The following COLEC12 variants were observed in gnomAD, a reference collection of about 807,000 sequenced individuals.
COLEC12 encodes the protein collectin subfamily member 12, also known as collectin-12.
Under a neutral mutation model 71.1 loss-of-function variants are expected in COLEC12, and 33 were observed. That is an observed-to-expected ratio of 0.46 (90% CI 0.35 to 0.62). COLEC12 has a LOEUF of 0.62. COLEC12 is among the 20% of genes least tolerant of loss of function. The pLI, the probability that COLEC12 is intolerant of heterozygous loss-of-function variation, is 0.00. For synonymous variants in COLEC12, 350 were observed against 353.0 expected (o/e 0.99, Z 0.10); for missense variants, 765 against 916.1 (o/e 0.84, Z 2.13).
At chr18:369,397 ATTTTTTTTTATT>A (rs1257644072) in intron 2 of COLEC12, among the ~76,000 whole-genome samples, 13 of 99,248 alleles carry the variant, frequency 1.3e-4, no homozygotes, top group Admixed American at 6.0e-4. Context: ...TTTTTTTTTT[ATTTTTTTTTATT>A]TTTATTTTTA....
chr18:415,532 G>A (rs1057445571), intron 2 of COLEC12, among the ~76,000 whole-genome samples: 1 of 142,250 alleles, frequency 7.0e-6, no homozygotes, highest in Non-Finnish European at 1.6e-5. Context: ...TGTTATTGTG[G>A]CTTACTGAAC....
chr18:396,841 T>C (rs996679458), intron 2 of COLEC12, among the ~76,000 whole-genome samples: 2 of 152,212 alleles, frequency 1.3e-5, no homozygotes, highest in African/African-American at 4.8e-5. Context: ...ACTTGGATGA[T>C]TAAATGCAAG....
In COLEC12 at chr18:443,584, C is replaced by A. The variant is rs112773511; in HGVS notation, c.58+37123G>T. 5.7e-3 allele frequency among the ~76,000 whole-genome samples: 867 copies of A among 152,318 alleles called. 1 individual carries two copies. Among genetic ancestry groups the A allele is most frequent in the Non-Finnish European group, 8.8e-3 (600 of 68,034 alleles). On this transcript the variant is annotated intron_variant, in intron 2 of 9. Transcript: ENST00000400256. Reference sequence around the variant, plus strand: ...ACTCTTGGCTTTAGATATGTGCCTGCATCCCCTCCGTCTCATGGTGTAGGG... The same window carrying A: ...ACTCTTGGCTTTAGATATGTGCCTGAATCCCCTCCGTCTCATGGTGTAGGG...
intron 8 of COLEC12, among the ~76,000 whole-genome samples, chr18:324,736 C>T (rs546622651): frequency 1.3e-5 from 2 of 151,690 alleles, no homozygotes; most frequent in Non-Finnish European, 2.9e-5. Context: ...GTCTGAGGCA[C>T]GAGAATCGCT....
intron 2 of COLEC12, among the ~76,000 whole-genome samples, chr18:369,391 T>TA (rs1295090673): frequency 7.0e-6 from 1 of 141,964 alleles, no homozygotes; most frequent in African/African-American, 2.6e-5. Flanking sequence ...AGATCTTTTT[T>TA]TTTTTATTTT....
chr18:351,139 G>A (rs78795885), intron 3 of COLEC12, among the ~76,000 whole-genome samples: 1 of 152,130 alleles, frequency 6.6e-6, no homozygotes, highest in Non-Finnish European at 1.5e-5. Context: ...GACCCAAAGT[G>A]AACTGGCTCC....
intron 5 of COLEC12, among the ~76,000 whole-genome samples, chr18:337,516 TC>T (rs1404645763): frequency 1.3e-5 from 2 of 152,202 alleles, no homozygotes; most frequent in Non-Finnish European, 2.9e-5. Context: ...AGGACCCTCT[TC>T]CAGTGGTAAA....
intron 2 of COLEC12, among the ~76,000 whole-genome samples, chr18:441,120 C>T (rs2621192): frequency 0.9 from 114,248 of 127,308 alleles, 51,853 homozygotes; most frequent in East Asian, 1. Context: ...TGGTGGCGGG[C>T]GCCTGTAGTC....
chr18:365,595 C>T (rs1360450966), intron 2 of COLEC12, among the ~76,000 whole-genome samples: 1 of 152,062 alleles, frequency 6.6e-6, no homozygotes, highest in Non-Finnish European at 1.5e-5. Flanking sequence ...CTTGCAGGAG[C>T]TGGGCAAGGT....
At chr18:364,338 T>C (rs1263466184) in intron 2 of COLEC12, among the ~76,000 whole-genome samples, 2 of 152,240 alleles carry the variant, frequency 1.3e-5, no homozygotes, top group Non-Finnish European at 2.9e-5. Flanking sequence ...CATTATTTTC[T>C]CTTTGTGGTT....
intron 2 of COLEC12, among the ~76,000 whole-genome samples, chr18:384,742 C>T (rs1465912699): frequency 2.6e-5 from 4 of 152,178 alleles, no homozygotes; most frequent in Admixed American, 1.3e-4. Context: ...TTCCAGGTGT[C>T]TTTGATTCTA....
At chr18:455,279 T>A (rs1219799015) in intron 2 of COLEC12, among the ~76,000 whole-genome samples, 1 of 92,998 alleles carries the variant, frequency 1.1e-5, no homozygotes, top group Non-Finnish European at 2.0e-5. Context: ...TATTTTACGC[T>A]TTTTTTTTTT....
In COLEC12 at chr18:346,473, G is replaced by A. The variant is rs756914155; in HGVS notation, c.1149C>T (p.Thr383=). ...TGTTGGCCAGGGTATTATTCAAGGA[G>A]GTCAGATCATCTGTGTGTTTGGTAA... ...DTLTKHTDDL[T]SLNNTLANIR... is the part of the protein sequence containing the mutation. Residue 383 remains threonine, a synonymous_variant, in exon 5 of 10, where the codon ACC becomes ACT. Coordinates refer to ENST00000400256, the MANE Select transcript of COLEC12 (RefSeq NM_130386.3). The surrounding 1 kb of genome is among the most constrained non-coding windows in gnomAD (Gnocchi z 4.0). 6.2e-7 allele frequency: 1 copy of A among 1,614,184 alleles called. No individual in the cohort carries two copies.
At chr18:329,179 C>G (rs1434778129) in intron 8 of COLEC12, among the ~76,000 whole-genome samples, 2 of 152,106 alleles carry the variant, frequency 1.3e-5, no homozygotes, top group Non-Finnish European at 2.9e-5. Flanking sequence ...TGCTGGACCC[C>G]AGGGAAGAGG....
intron 2 of COLEC12, among the ~76,000 whole-genome samples, chr18:370,067 T>C (rs963475726): frequency 1.8e-4 from 28 of 152,210 alleles, no homozygotes; most frequent in African/African-American, 6.3e-4. Context: ...ATTACATTCA[T>C]GAGATGCATA....
At chr18:451,746 C>CA (rs58169259) in intron 2 of COLEC12, among the ~76,000 whole-genome samples, 16,675 of 138,356 alleles carry the variant, frequency 0.12, 1,325 homozygotes, top group East Asian at 0.38. Context: ...GACTCCATCT[C>CA]AAAAAAAAAA....
chr18:346,741 G>A lies in COLEC12; in HGVS notation c.881C>T (p.Thr294Ile). The A allele has an allele frequency of 6.2e-7, 1 of 1,614,232 alleles. No homozygotes were observed. Among genetic ancestry groups the A allele is most frequent in the Non-Finnish European group, 8.5e-7 (1 of 1,180,044 alleles). The change falls in exon 5 of 10, where the codon ACA becomes ATA. Residue 294 changes from threonine to isoleucine, a missense_variant. Coordinates refer to ENST00000400256, the MANE Select transcript of COLEC12 (RefSeq NM_130386.3). The surrounding 1 kb of genome is among the most constrained non-coding windows in gnomAD (Gnocchi z 4.0). ...EDMNSQLNSF[T>I]GQMENITTIS... ...AGTGGTGATGTTCTCCATCTGACCTGTGAATGAGTTGAGCTGGCTGTTCAT... is the reference window on the plus strand; with the variant it reads ...AGTGGTGATGTTCTCCATCTGACCTATGAATGAGTTGAGCTGGCTGTTCAT...
intron 2 of COLEC12, among the ~76,000 whole-genome samples, chr18:381,954 T>C (rs1184957440): frequency 6.6e-6 from 1 of 152,022 alleles, no homozygotes; most frequent in South Asian, 2.1e-4. Flanking sequence ...AAGAACTCAT[T>C]ATTGGGGCAT....
At chr18:375,795 C>T (rs1237779671) in intron 2 of COLEC12, among the ~76,000 whole-genome samples, 1 of 152,184 alleles carries the variant, frequency 6.6e-6, no homozygotes, top group African/African-American at 2.4e-5. Flanking sequence ...CCCATTGTCT[C>T]CCCAGAGGCT....
Sources: allele counts gnomAD v4.1 joint callset (sites outside exome capture counted in the v4.1 genomes callset), GRCh38; gene constraint gnomAD v4.1.1; non-coding constraint Gnocchi (gnomAD v3.1); transcripts MANE v1.5; gene names NCBI Gene and HGNC (gene_info 2026-07-23, HGNC 2026-07-21).